The following SLC4A10 variants were observed in gnomAD, a reference collection of about 807,000 sequenced individuals.
The protein encoded by SLC4A10 is sodium-driven chloride bicarbonate exchanger.
A neutral mutation model predicts 137.7 loss-of-function variants in SLC4A10; 42 were observed. The ratio of observed to expected loss-of-function variants is 0.30; its 90% CI spans 0.24 to 0.39. The LOEUF (loss-of-function observed/expected upper bound fraction) is 0.39. Ranked by LOEUF, SLC4A10 falls within the 10% of genes least tolerant of loss-of-function variation. The pLI is 1.00. For missense variants in SLC4A10, 925 were observed against 1,355.0 expected, an observed-to-expected ratio of 0.68 and a Z score of 4.98; for synonymous variants, 474 against 464.1, an observed-to-expected ratio of 1.02 and a Z score of -0.27.
chr2:161,805,212 G>C (rs2055808771), intron 3 of SLC4A10, among the ~76,000 whole-genome samples: 1 of 152,076 alleles, frequency 6.6e-6, no homozygotes, highest in Non-Finnish European at 1.5e-5. Context: ...ACTATCACGA[G>C]AAAAGCACAG....
chr2:161,877,188 C>T lies in SLC4A10; in HGVS notation c.949-1943C>T, dbSNP rs13397292. 4.9e-4 allele frequency among the ~76,000 whole-genome samples: 75 copies of T among 152,076 alleles called. No individual in the cohort carries two copies. In the East Asian group the frequency reaches 7.9e-3, roughly 16 times the overall value. On this transcript the variant is annotated intron_variant, in intron 8 of 26. Coordinates refer to ENST00000446997, the MANE Select transcript of SLC4A10 (RefSeq NM_001178015.2). ...ACCAGTTGCCCGAGGCACAGACTTT[C>T]ATAGTTAAGACAATGGCATTTGTCA...
At chr2:161,688,887 A>G (rs1235149635) in intron 1 of SLC4A10, among the ~76,000 whole-genome samples, 2 of 152,192 alleles carry the variant, frequency 1.3e-5, no homozygotes, top group Non-Finnish European at 2.9e-5. Context: ...AATGGAGCTG[A>G]AAAGTTCCTG....
At chr2:161,895,328 T>G (rs1305371736) in intron 11 of SLC4A10, among the ~76,000 whole-genome samples, 4 of 152,088 alleles carry the variant, frequency 2.6e-5, no homozygotes, top group Middle Eastern at 6.3e-3. Flanking sequence ...GACATTTGGG[T>G]TGGTTCCAAG....
At position 161,879,296 on chromosome 2, in the gene SLC4A10, G is replaced by A. The variant is rs1210527356; in HGVS notation, c.1106+8G>A. On this transcript the variant is annotated splice_region_variant and intron_variant, in intron 9 of 26. Coordinates refer to ENST00000446997, the MANE Select transcript of SLC4A10 (RefSeq NM_001178015.2). ...AGTCCCAATCCCAACCAGGTAAAAA[G>A]TATAAAAGCGTCTTTTGTATTTTTC... 6.3e-7 allele frequency: 1 copy of A among 1,595,404 alleles called. No individual in the cohort carries two copies. The highest frequency in any genetic ancestry group is 8.5e-7 in the Non-Finnish European group (1 of 1,170,854).
chr2:161,752,560 A>G (rs1331256008), intron 1 of SLC4A10, among the ~76,000 whole-genome samples: 2 of 152,122 alleles, frequency 1.3e-5, no homozygotes, highest in Non-Finnish European at 1.5e-5. Flanking sequence ...TTCTATGCTC[A>G]TTGCATTATT....
chr2:161,802,525 A>T (rs998097735), intron 2 of SLC4A10, among the ~76,000 whole-genome samples: 3 of 152,144 alleles, frequency 2.0e-5, no homozygotes, highest in Non-Finnish European at 2.9e-5. Context: ...GATATTTTAG[A>T]AATCTTACAA....
At chr2:161,657,317 G>A (rs1322787235) in intron 1 of SLC4A10, among the ~76,000 whole-genome samples, 2 of 151,848 alleles carry the variant, frequency 1.3e-5, no homozygotes. Flanking sequence ...AGTCATCTAG[G>A]ATAAAGCCTG....
At chr2:161,871,280 CAGAG>C (rs1354770067) in intron 6 of SLC4A10, among the ~76,000 whole-genome samples, 1 of 151,574 alleles carries the variant, frequency 6.6e-6, no homozygotes, top group African/African-American at 2.4e-5. Flanking sequence ...AAGAGCCAGA[CAGAG>C]AGAGTATTTC....
chr2:161,726,498 GA>G (rs1318775319), intron 1 of SLC4A10, among the ~76,000 whole-genome samples: 1 of 152,182 alleles, frequency 6.6e-6, no homozygotes, highest in Admixed American at 6.5e-5. Flanking sequence ...AAGGCAGAAT[GA>G]AAATGTTAAG....
chr2:161,810,247 A>C (rs555152130), intron 3 of SLC4A10, among the ~76,000 whole-genome samples: 1 of 151,954 alleles, frequency 6.6e-6, no homozygotes, highest in African/African-American at 2.4e-5. Context: ...GAAATTGTCA[A>C]TTCTAGTTGC....
intron 15 of SLC4A10, among the ~76,000 whole-genome samples, chr2:161,925,177 T>C (rs909500058): frequency 1.3e-5 from 2 of 152,228 alleles, no homozygotes; most frequent in African/African-American, 4.8e-5. Flanking sequence ...CATCTGGTCC[T>C]GGACTCTTTT....
intron 10 of SLC4A10, among the ~76,000 whole-genome samples, chr2:161,887,426 CCA>C (rs1278232541): frequency 6.6e-6 from 1 of 152,068 alleles, no homozygotes; most frequent in East Asian, 1.9e-4. Flanking sequence ...ATTTACACTT[CCA>C]CCAACAGTGT....
At chr2:161,829,433 C>T (rs1014709673) in intron 3 of SLC4A10, among the ~76,000 whole-genome samples, 1 of 151,988 alleles carries the variant, frequency 6.6e-6, no homozygotes, top group Non-Finnish European at 1.5e-5. Flanking sequence ...AGAAATCAGC[C>T]TCACATTTTT....
In SLC4A10 at chr2:161,903,415, T is replaced by C. The variant is rs542998314; in HGVS notation, c.1443-589T>C. On this transcript the variant is annotated intron_variant, in intron 12 of 26. Transcript: ENST00000446997. ...AAACCTATCTGTCTCTACTAAGTATTGCTGCCATCCAAAAGGACATTTAGA... is the reference window on the plus strand; with the variant it reads ...AAACCTATCTGTCTCTACTAAGTATCGCTGCCATCCAAAAGGACATTTAGA... Among the ~76,000 whole-genome samples the C allele has an allele frequency of 7.9e-5, 12 of 152,318 alleles. No individual in the cohort carries two copies. The South Asian group carries it at 2.5e-3, about 32-fold the overall frequency.
intron 1 of SLC4A10, among the ~76,000 whole-genome samples, chr2:161,731,520 G>A (rs1351366997): frequency 1.3e-5 from 2 of 152,126 alleles, no homozygotes; most frequent in African/African-American, 4.8e-5. Flanking sequence ...GCAACACTGT[G>A]AAACTATTTG....
At position 161,804,552 on chromosome 2, in the gene SLC4A10, A is replaced by G. The variant is rs375574067; in HGVS notation, c.234A>G (p.Glu78=). 29 of 1,612,876 alleles carry G rather than the reference A, an allele frequency of 1.8e-5. No homozygotes were observed. The highest frequency in any genetic ancestry group is 2.5e-5 in the Non-Finnish European group (29 of 1,179,368). Residue 78 remains glutamate (E), a synonymous_variant, in exon 3 of 27, where the codon GAA becomes GAG. Coordinates refer to ENST00000446997, the MANE Select transcript of SLC4A10 (RefSeq NM_001178015.2). Reference sequence around the variant, plus strand: ...ATAAACACAGAAAGAGAGACAGAGAAAGAGATTCAGGATTAGAGGATGGAA... The same window carrying G: ...ATAAACACAGAAAGAGAGACAGAGAGAGAGATTCAGGATTAGAGGATGGAA... ...RGHKHRKRDR[E]RDSGLEDGRE...
intron 26 of SLC4A10, among the ~76,000 whole-genome samples, chr2:161,980,751 A>G (rs888084283): frequency 6.6e-6 from 1 of 152,216 alleles, no homozygotes; most frequent in Admixed American, 6.5e-5. Context: ...TTGAAATATT[A>G]CTTCCTTATA....
chr2:161,958,602 A>G (rs1696079830), intron 21 of SLC4A10, 47 bp downstream of exon 21: 1 of 1,404,196 alleles, frequency 7.1e-7, no homozygotes, highest in Non-Finnish European at 9.9e-7. Context: ...GACTGACCTT[A>G]AGGTCTACTG....
At chr2:161,647,410 T>A (rs1480167303) in intron 1 of SLC4A10, among the ~76,000 whole-genome samples, 1 of 152,100 alleles carries the variant, frequency 6.6e-6, no homozygotes, top group Non-Finnish European at 1.5e-5. Context: ...TAAATGTATG[T>A]CTCATTTTTC....
Sources: allele counts gnomAD v4.1 joint callset (sites outside exome capture counted in the v4.1 genomes callset), GRCh38; gene constraint gnomAD v4.1.1; transcripts MANE v1.5; gene names NCBI Gene and HGNC (gene_info 2026-07-23, HGNC 2026-07-21).